Variants in APPL2 observed in about 807,000 individuals in gnomAD.
APPL2 encodes DCC-interacting protein 13-beta.
A neutral mutation model predicts 92.7 loss-of-function variants in APPL2; 84 were observed. The ratio of observed to expected loss-of-function variants is 0.91; its 90% CI spans 0.76 to 1.09. The LOEUF (loss-of-function observed/expected upper bound fraction) is 1.09. APPL2 is among the 50% of genes least tolerant of loss of function. The pLI, the probability that APPL2 is intolerant of heterozygous loss-of-function variation, is 0.00. For synonymous variants in APPL2, 291 were observed against 291.0 expected (o/e 1.00, Z 0.00); for missense variants, 736 against 824.5 (o/e 0.89, Z 1.31).
chr12:105,207,200 G>A lies in APPL2; in HGVS notation c.482C>T (p.Thr161Ile), dbSNP rs764828582. Residue 161 changes from threonine to isoleucine, a missense_variant, in exon 8 of 21, where the codon ACC (threonine) becomes ATC (isoleucine). Coordinates refer to ENST00000258530, the MANE Select transcript of APPL2 (RefSeq NM_018171.5). ...CGCGGCCACCTCTTTTCCGACTTCG[G>A]TCTTCACCTGGTTAAAAGGTGAAAG... ...PKKKENEKVK[T>I]EVGKEVAAAR... is the part of the protein sequence containing the mutation. 3 of 1,612,588 alleles carry A rather than the reference G, an allele frequency of 1.9e-6. No individual in the cohort carries two copies. Among genetic ancestry groups the A allele is most frequent in the Non-Finnish European group, 2.5e-6 (3 of 1,179,656 alleles).
chr12:105,186,746 T>G (rs1308966391), intron 17 of APPL2, among the ~76,000 whole-genome samples: 1 of 138,754 alleles, frequency 7.2e-6, no homozygotes, highest in African/African-American at 2.7e-5. Context: ...CATATATATA[T>G]AAACATCTGT....
At chr12:105,199,612 C>T in intron 9 of APPL2, 81 bp from the exon 10 acceptor site, 1 of 1,479,704 alleles carries the variant, frequency 6.8e-7, no homozygotes, top group Non-Finnish European at 9.2e-7. Context: ...GCCATCACTC[C>T]ACCCCCGCAA....
chr12:105,194,896 T>C (rs1404118486), intron 14 of APPL2, among the ~76,000 whole-genome samples: 8 of 152,210 alleles, frequency 5.3e-5, no homozygotes, highest in Admixed American at 5.2e-4. Context: ...GATTTTTTTT[T>C]CCTTATTTTT....
At chr12:105,222,766 T>C (rs1459733709) in intron 2 of APPL2, among the ~76,000 whole-genome samples, 1 of 152,198 alleles carries the variant, frequency 6.6e-6, no homozygotes, top group Non-Finnish European at 1.5e-5. Flanking sequence ...CCCGTCATTA[T>C]GTCTTAAGTG....
chr12:105,212,156 A>G (rs370656683), intron 4 of APPL2, among the ~76,000 whole-genome samples: 1 of 150,702 alleles, frequency 6.6e-6, no homozygotes, highest in East Asian at 2.0e-4. Flanking sequence ...TTCCTACCAA[A>G]ACAACTCTGC....
chr12:105,188,620 G>T (rs537525177), intron 16 of APPL2, among the ~76,000 whole-genome samples, 173 bp from the exon 17 acceptor site: 15 of 152,222 alleles, frequency 9.9e-5, no homozygotes, highest in African/African-American at 3.6e-4. Flanking sequence ...TCTTCCATTT[G>T]TCTACATCTT....
rs558853233 is a variant in APPL2, at chr12:105,195,342, G to A, written c.1160C>T (p.Ala387Val). 1.2e-6 allele frequency: 2 copies of A among 1,613,954 alleles called. No individual in the cohort carries two copies. Among genetic ancestry groups the A allele is most frequent in the African/African-American group, 1.3e-5 (1 of 74,886 alleles). Residue 387 changes from alanine to valine, a missense_variant, in exon 14 of 21, where the codon GCG (alanine) becomes GTG (valine). By Grantham distance (64) the Ala-to-Val change is moderately conservative. Transcript: ENST00000258530. ...IYLTDNPEAV[A>V]IKLNQTALQA... ...CAGAGCGGTCTGATTCAACTTGATC[G>A]CGACTGCCTAAAAATCCACAGGAAG...
At chr12:105,204,600 T>A (rs1888542791) in intron 8 of APPL2, among the ~76,000 whole-genome samples, 1 of 152,268 alleles carries the variant, frequency 6.6e-6, no homozygotes. Flanking sequence ...AAATGCCATT[T>A]GGAACTTCTG....
intron 8 of APPL2, 83 bp from the exon 9 acceptor site, chr12:105,203,868 G>T (rs1045070846): frequency 4.8e-6 from 6 of 1,260,740 alleles, no homozygotes; most frequent in Non-Finnish European, 6.9e-6. Context: ...GGCAGCGTGA[G>T]GGCAGCCATC....
At chr12:105,224,229 C>G (rs727888) in intron 2 of APPL2, among the ~76,000 whole-genome samples, 57,334 of 152,066 alleles carry the variant, frequency 0.38, 11,591 homozygotes, top group Middle Eastern at 0.54. Context: ...TCCTCTCAGT[C>G]CCTGTCAGAT....
upstream of APPL2, chr12:105,236,174 T>TTCCC (rs1566109934): frequency 2.6e-4 from 16 of 62,030 alleles, no homozygotes; most frequent in African/African-American, 2.1e-3. Context: ...CGCCGCCGCC[T>TTCCC]GCCCGCCGGC....
In APPL2 at chr12:105,207,316, A is replaced by G. The variant is rs753743417; in HGVS notation, c.475-109T>C. 2.1e-4 allele frequency: 233 copies of G among 1,100,232 alleles called. 1 individual carries two copies. Among genetic ancestry groups the G allele is most frequent in the Non-Finnish European group, 2.8e-4 (220 of 789,216 alleles). The allele number at this position is 1,100,232 out of a possible 1,614,324, so 68.2% of individuals were successfully genotyped here. On this transcript the variant is annotated intron_variant, in intron 7 of 20. Transcript: ENST00000258530. ...TATGCATTATAACCATTTTTGTGAC[A>G]AATATAACAAAACACAGATAAGGCT...
In APPL2 at chr12:105,176,055, C is replaced by A. The variant is rs1314012568; in HGVS notation, c.1840G>T (p.Glu614Ter). The stretch of plus-strand genomic sequence containing the variant: ...CTTACCTTCTGAACCTCAATAATTT[C>A]TTTTCCCAAATTAATAGCATAACAT... ...KICYAINLGKEIIEVQKDPEA... is the reference protein window; with the variant it reads ...KICYAINLGK The change falls in exon 20 of 21, where the codon GAA (glutamate) becomes TAA (stop). Residue 614 changes from glutamate to a stop codon, truncating the protein, a stop_gained. Transcript: ENST00000258530. LOFTEE classifies it high-confidence loss of function. 6.9e-6 allele frequency: 11 copies of A among 1,591,740 alleles called. No individual in the cohort carries two copies. Among genetic ancestry groups the A allele is most frequent in the Non-Finnish European group, 8.5e-6 (10 of 1,172,400 alleles).
chr12:105,196,058 CAAA>C (rs371863529), intron 11 of APPL2, among the ~76,000 whole-genome samples: 1 of 121,620 alleles, frequency 8.2e-6, no homozygotes, highest in African/African-American at 3.1e-5. Context: ...CTATCTCAAA[CAAA>C]AAAAAAAAAA....
At chr12:105,191,240 A>C (rs1887167511) in intron 14 of APPL2, among the ~76,000 whole-genome samples, 1 of 152,198 alleles carries the variant, frequency 6.6e-6, no homozygotes, top group African/African-American at 2.4e-5. Context: ...CATTGTTAAC[A>C]GAAAAGGAAA....
intron 20 of APPL2, 149 bp downstream of exon 20, chr12:105,175,886 C>A: frequency 1.5e-6 from 1 of 678,268 alleles, no homozygotes; most frequent in Non-Finnish European, 2.4e-6. Context: ...TGATCAAAAA[C>A]CTCTGGTGGT....
intron 17 of APPL2, among the ~76,000 whole-genome samples, chr12:105,184,928 C>T (rs1357980320): frequency 6.6e-6 from 1 of 151,992 alleles, no homozygotes; most frequent in East Asian, 1.9e-4. Context: ...CTGGGGGCTG[C>T]TACCTTTCTT....
chr12:105,222,332 G>C (rs1193623542), intron 2 of APPL2, among the ~76,000 whole-genome samples: 2 of 152,172 alleles, frequency 1.3e-5, no homozygotes, highest in African/African-American at 4.8e-5. Context: ...AGAGAGAATA[G>C]ATGAGGGGGA....
chr12:105,198,282 T>C (rs936784372), intron 10 of APPL2, among the ~76,000 whole-genome samples: 12 of 152,172 alleles, frequency 7.9e-5, no homozygotes, highest in African/African-American at 2.4e-4. Context: ...TGGAGAATCA[T>C]TTCTCTGACA....
Sources: gnomAD v4.1 joint callset for allele counts (sites outside exome capture counted in the v4.1 genomes callset) on GRCh38, gnomAD v4.1.1 for gene constraint, MANE v1.5 for transcripts, NCBI Gene and HGNC (gene_info 2026-07-23, HGNC 2026-07-21) for gene names.